Variants in TSPOAP1 observed in about 807,000 individuals in gnomAD.
The protein encoded by TSPOAP1 is peripheral-type benzodiazepine receptor-associated protein 1.
A neutral mutation model predicts 197.0 loss-of-function variants in TSPOAP1; 87 were observed. That is an observed-to-expected ratio of 0.44 (90% CI 0.37 to 0.53). TSPOAP1 has a LOEUF of 0.53. Among genes scored for constraint, TSPOAP1 ranks in the 20% least tolerant of loss-of-function variants. The probability of loss-of-function intolerance (pLI) is 0.00; values close to 1 mark genes in which losing one functional copy is unlikely to be tolerated. For missense variants in TSPOAP1, 2,174 were observed against 2,411.3 expected, an observed-to-expected ratio of 0.90 and a Z score of 2.06; for synonymous variants, 913 against 998.9, an observed-to-expected ratio of 0.91 and a Z score of 1.62.
intron 16 of TSPOAP1, 32 bp from the exon 17 acceptor site, chr17:58,312,754 A>G: frequency 6.4e-7 from 1 of 1,571,622 alleles, no homozygotes; most frequent in Non-Finnish European, 8.7e-7. Flanking sequence ...GGGGCAGGGC[A>G]GGGGAAGACA....
intron 16 of TSPOAP1, among the ~76,000 whole-genome samples, chr17:58,314,506 A>T (rs1971161087): frequency 6.6e-6 from 1 of 152,240 alleles, no homozygotes; most frequent in African/African-American, 2.4e-5. Context: ...GACCACAGAT[A>T]GAGACTGGAG....
At position 58,304,857 on chromosome 17, in the gene TSPOAP1, C is replaced by T. The variant is rs954338722; in HGVS notation, c.5544+204G>A. On this transcript the variant is annotated intron_variant, in intron 30 of 31. Transcript: ENST00000343736. The surrounding 1 kb of genome is among the most constrained non-coding windows in gnomAD (Gnocchi z 4.2). ...TGAGGGTCAGGGTCACAGCTATCAT[C>T]CCTCTGCAGAGAGGGGCACATACTG... 1.0e-5 allele frequency: 7 copies of T among 681,450 alleles called. No homozygotes were observed. The Admixed American group carries it at 1.4e-4, about 14-fold the overall frequency. The allele number at this position is 681,450 out of a possible 1,614,324, so 42.2% of individuals were successfully genotyped here.
At chr17:58,306,293 C>T (rs746281584) in intron 26 of TSPOAP1, 49 bp downstream of exon 26, 3 of 1,508,902 alleles carry the variant, frequency 2.0e-6, no homozygotes, top group African/African-American at 1.4e-5. Flanking sequence ...CGCCACCCCA[C>T]CGCACACACA....
chr17:58,317,957 T>TG (rs549444228), intron 14 of TSPOAP1, among the ~76,000 whole-genome samples: 99 of 152,332 alleles, frequency 6.5e-4, no homozygotes, highest in African/African-American at 2.3e-3. Flanking sequence ...TCACTACAGA[T>TG]GCTCTTAGGA....
chr17:58,324,869 G>A lies in TSPOAP1; in HGVS notation c.884C>T (p.Pro295Leu), dbSNP rs1248191464. 6.7e-5 allele frequency: 102 copies of A among 1,531,110 alleles called. No homozygotes were observed. The highest frequency in any genetic ancestry group is 8.7e-5 in the Non-Finnish European group (99 of 1,144,208). The allele number at this position is 1,531,110 out of a possible 1,614,324, so 94.8% of individuals were successfully genotyped here. A position where few individuals can be genotyped will look rare whatever the true frequency, so the allele number is the denominator to read the frequency against. ...RETLPLPPSW[P>L]PGPALQARAG... ...TCTGGCCTGGAGAGCAGGGCCCGGG[G>A]GCCAGGACGGCGGGAGCGGGAGCGT... is the stretch of plus-strand genomic sequence containing the variant. Residue 295 changes from proline to leucine, a missense_variant, in exon 5 of 32, where the codon CCC becomes CTC. By Grantham distance (98) the Pro-to-Leu change is moderately conservative. This residue lies in a region of TSPOAP1 where 1,933 missense variants were observed against 2,139.0 expected (regional missense o/e 0.90). Coordinates refer to ENST00000343736, the MANE Select transcript of TSPOAP1 (RefSeq NM_004758.4). This position sits in a 1 kb window ranked among gnomAD's most constrained non-coding sequence, Gnocchi z 5.8.
rs368592739 is a variant in TSPOAP1 at position 58,303,993 on chromosome 17, T to C, written c.*32+345A>G. The C allele has an allele frequency of 1.9e-5, 4 of 207,950 alleles. No homozygotes were observed. In the South Asian group the frequency reaches 4.5e-4, roughly 23 times the overall value. The allele number at this position is 207,950 out of a possible 1,614,324, so 12.9% of individuals were successfully genotyped here. On this transcript the variant is annotated intron_variant, in intron 31 of 31. Coordinates refer to ENST00000343736, the MANE Select transcript of TSPOAP1 (RefSeq NM_004758.4). ...ATATTATAATACCATAGCCACACAG[T>C]ATCATAATACCACTGATGAGTCCTA...
At chr17:58,310,229 G>C in intron 20 of TSPOAP1, 71 bp from the exon 21 acceptor site, 3 of 1,470,430 alleles carry the variant, frequency 2.0e-6, no homozygotes, top group Non-Finnish European at 9.2e-7. Flanking sequence ...GGCAGGGTCA[G>C]CCCCAGCCAC....
In TSPOAP1 at chr17:58,308,895, C is replaced by T. The variant is rs1970992231; in HGVS notation, c.4377G>A (p.Arg1459=). Reference sequence around the variant, plus strand: ...CTCTCCCGCTAGCCTCTAGTCCAGTCCTGGGGCCCTCAATTACGGGGAGGC... The same window carrying T: ...CTCTCCCGCTAGCCTCTAGTCCAGTTCTGGGGCCCTCAATTACGGGGAGGC... ...RGGLPVIEGP[R]TGLEASGRGR... The change falls in exon 22 of 32, where the codon AGG becomes AGA. Residue 1459 remains arginine, a synonymous_variant. Coordinates refer to ENST00000343736, the MANE Select transcript of TSPOAP1 (RefSeq NM_004758.4). 6.3e-7 allele frequency: 1 copy of T among 1,598,238 alleles called. No individual in the cohort carries two copies. Among genetic ancestry groups the T allele is most frequent in the Non-Finnish European group, 8.5e-7 (1 of 1,171,874 alleles).
chr17:58,309,347 C>A lies in TSPOAP1; in HGVS notation c.3925G>T (p.Asp1309Tyr). Residue 1309 changes from aspartate (D) to tyrosine (Y), a missense_variant, in exon 22 of 32, where the codon GAT (aspartate) becomes TAT (tyrosine). Asp to Tyr is a radical substitution (Grantham distance 160). Around this residue, in one of 5 missense-constraint regions of TSPOAP1, gnomAD observed 1,933 missense variants for 2,139.0 expected, o/e 0.90. Coordinates refer to ENST00000343736, the MANE Select transcript of TSPOAP1 (RefSeq NM_004758.4). This position sits in a 1 kb window ranked among gnomAD's most constrained non-coding sequence, Gnocchi z 5.0. ...QPDPFCETDS[D>Y]EEILEQILEL... ...AGGATCTGCTCCAAGATCTCCTCAT[C>A]GCTGTCAGTCTCACAAAAGGGGTCG... is the stretch of plus-strand genomic sequence containing the variant. 6.2e-7 allele frequency: 1 copy of A among 1,612,854 alleles called. No individual in the cohort carries two copies. Among genetic ancestry groups the A allele is most frequent in the Non-Finnish European group, 8.5e-7 (1 of 1,179,856 alleles).
Position 58,324,975 on chromosome 17 carries a change from C to G in TSPOAP1, c.778G>C (p.Asp260His). Residue 260 changes from aspartate to histidine, a missense_variant, in exon 5 of 32, where the codon GAC becomes CAC. Physicochemically the swap from Asp to His is moderately conservative, Grantham distance 81. Around this residue, in one of 5 missense-constraint regions of TSPOAP1, gnomAD observed 1,933 missense variants for 2,139.0 expected, o/e 0.90. Coordinates refer to ENST00000343736, the MANE Select transcript of TSPOAP1 (RefSeq NM_004758.4). This position sits in a 1 kb window ranked among gnomAD's most constrained non-coding sequence, Gnocchi z 5.8. ...KEGPQWLHVR[D>H]FDRLLRESQR... Reference sequence around the variant, plus strand: ...GACTCGCGCAGCAGCCGATCGAAGTCCCGCACGTGGAGCCACTGGGGACCC... The same window carrying G: ...GACTCGCGCAGCAGCCGATCGAAGTGCCGCACGTGGAGCCACTGGGGACCC... 1 of 1,538,244 alleles carries G rather than the reference C, an allele frequency of 6.5e-7. No homozygotes were observed. Among genetic ancestry groups the G allele is most frequent in the Non-Finnish European group, 8.7e-7 (1 of 1,143,208 alleles).
intron 11 of TSPOAP1, 74 bp from the exon 12 acceptor site, chr17:58,320,203 G>C (rs1005098575): frequency 6.4e-7 from 1 of 1,561,850 alleles, no homozygotes; most frequent in African/African-American, 1.4e-5. Flanking sequence ...AGAGGGAGGC[G>C]GAGAAGGGGG....
At chr17:58,312,767 G>C in intron 16 of TSPOAP1, 45 bp from the exon 17 acceptor site, 10 of 1,526,066 alleles carry the variant, frequency 6.6e-6, no homozygotes, top group Non-Finnish European at 7.1e-6. Context: ...GGAAGACAGA[G>C]AGGAGATAAA....
chr17:58,312,572 C>T lies in TSPOAP1; in HGVS notation c.2249G>A (p.Gly750Asp), dbSNP rs1598065045. The T allele has an allele frequency of 1.9e-5, 30 of 1,611,830 alleles. No individual in the cohort carries two copies. The East Asian group carries it at 6.5e-4, about 35-fold the overall frequency. Residue 750 changes from glycine (G) to aspartate (D), a missense_variant, in exon 17 of 32, where the codon GGT (glycine) becomes GAT (aspartate). Gly to Asp is a moderately conservative substitution (Grantham distance 94, BLOSUM62 -1). Coordinates refer to ENST00000343736, the MANE Select transcript of TSPOAP1 (RefSeq NM_004758.4). ...PELSFLSVGG[G>D]GSSSGGQSSV... The stretch of plus-strand genomic sequence containing the variant: ...GCTTTGGCCCCCGCTACTGCTGCCA[C>T]CCCCACCTACACTCAGGAAACTGAG...
Position 58,325,635 on chromosome 17 carries a change from G to A in TSPOAP1, c.649C>T (p.Leu217Phe). The part of the protein sequence containing the change: ...KALARQRARD[L>F]SETASALLAK... The stretch of plus-strand genomic sequence containing the variant: ...AGCAGTGCACTGGCTGTCTCACTGA[G>A]GTCCCGGGCTCGCTGGCGGGCTAGG... Residue 217 changes from leucine to phenylalanine, a missense_variant, in exon 4 of 32, where the codon CTC becomes TTC. Leu to Phe is a conservative substitution (Grantham distance 22, BLOSUM62 0). Around this residue, in one of 5 missense-constraint regions of TSPOAP1, gnomAD observed 1,933 missense variants for 2,139.0 expected, o/e 0.90. Transcript: ENST00000343736. 6.2e-7 allele frequency: 1 copy of A among 1,613,558 alleles called. No homozygotes were observed. Among genetic ancestry groups the A allele is most frequent in the Non-Finnish European group, 8.5e-7 (1 of 1,180,004 alleles).
intron 18 of TSPOAP1, 27 bp downstream of exon 18, chr17:58,311,543 TC>T (rs756365940): frequency 2.2e-5 from 33 of 1,527,884 alleles, no homozygotes; most frequent in Non-Finnish European, 2.6e-5. Context: ...CCACCCCCAC[TC>T]CCAGGGTACA....
Position 58,308,712 on chromosome 17 carries a change from GC to G in TSPOAP1, c.4559del (p.Cys1520SerfsTer14). On this transcript the variant is annotated frameshift_variant, in exon 22 of 32. Coordinates refer to ENST00000343736, the MANE Select transcript of TSPOAP1 (RefSeq NM_004758.4). LOFTEE classifies it high-confidence loss of function. ...CCCAGGCCTCCCCATCTCCAGGGTA[GC>G]AGGAGCTGGTGATGCTGATGCCCCC... ...GSGGISITSS[C>X]YPGDGEAWGT... is the part of the protein sequence containing the mutation. 1.2e-6 allele frequency: 2 copies of G among 1,613,042 alleles called. No homozygotes were observed. Among genetic ancestry groups the G allele is most frequent in the Non-Finnish European group, 1.7e-6 (2 of 1,179,962 alleles).
intron 3 of TSPOAP1, 87 bp from the exon 4 acceptor site, chr17:58,325,800 C>T (rs1971576708): frequency 7.0e-7 from 1 of 1,427,994 alleles, no homozygotes; most frequent in African/African-American, 1.4e-5. Context: ...GAGGAGTTAG[C>T]ATGAAAACCT....
In TSPOAP1 at chr17:58,313,732, A is replaced by G. The variant is rs186044435; in HGVS notation, c.2099-1010T>C. Among the ~76,000 whole-genome samples, 189 of 152,300 alleles carry G rather than the reference A, an allele frequency of 1.2e-3. 4 individuals are homozygous for G. The highest frequency in any genetic ancestry group is 0.011 in the Admixed American group (168 of 15,290). ...CCACAGAGGGAGAGAGAGACAACCA[A>G]CTCAGCAGGGTAAAGGAGGAATCTT... On this transcript the variant is annotated intron_variant, in intron 16 of 31. Coordinates refer to ENST00000343736, the MANE Select transcript of TSPOAP1 (RefSeq NM_004758.4).
chr17:58,312,279 G>A lies in TSPOAP1; in HGVS notation c.2542C>T (p.Leu848=), dbSNP rs1428187656. 2 of 1,612,662 alleles carry A rather than the reference G, an allele frequency of 1.2e-6. No homozygotes were observed. Among genetic ancestry groups the A allele is most frequent in the African/African-American group, 2.7e-5 (2 of 74,932 alleles). The change falls in exon 17 of 32, where the codon CTG becomes TTG. Residue 848 remains leucine, a synonymous_variant. Transcript: ENST00000343736. ...GAPPKAVLEN[L]DLWAGPLHIS... The stretch of plus-strand genomic sequence containing the variant: ...TGAAGGGGCCCGGCCCACAGGTCCA[G>A]GTTCTCCAGCACGGCCTTGGGTGGC...
Sources: gnomAD v4.1 joint callset for allele counts (sites outside exome capture counted in the v4.1 genomes callset) on GRCh38, gnomAD v4.1.1 for gene constraint, gnomAD v4.1.1 regional missense constraint, Gnocchi (gnomAD v3.1) non-coding constraint, MANE v1.5 for transcripts, NCBI Gene and HGNC (gene_info 2026-07-23, HGNC 2026-07-21) for gene names.